Variants in SUMF1 observed in about 807,000 individuals in gnomAD.
The protein encoded by SUMF1 is sulfatase modifying factor 1.
A neutral mutation model predicts 47.6 loss-of-function variants in SUMF1; 48 were observed. That is an observed-to-expected ratio of 1.01 (90% CI 0.80 to 1.28). SUMF1 has a LOEUF of 1.28. Ranked by LOEUF, SUMF1 falls within the 50% of genes most tolerant of loss-of-function variation. The pLI, the probability that SUMF1 is intolerant of heterozygous loss-of-function variation, is 0.00. For synonymous variants in SUMF1, 230 were observed against 192.1 expected (o/e 1.20, Z -1.63); for missense variants, 571 against 485.4 (o/e 1.18, Z -1.66).
At chr3:4,432,063 G>A (rs1188310173) in intron 3 of SUMF1, among the ~76,000 whole-genome samples, 1 of 151,750 alleles carries the variant, frequency 6.6e-6, no homozygotes, top group Non-Finnish European at 1.5e-5. Context: ...CCCTTTCTAG[G>A]TTCCCAGGGA....
At chr3:4,313,572 G>C in intron 8 of SUMF1, 1 of 1,614,030 alleles carries the variant, frequency 6.2e-7, no homozygotes, top group Non-Finnish European at 8.5e-7. Flanking sequence ...ACAAAGAAAG[G>C]CTAGATCATG....
intron 8 of SUMF1, among the ~76,000 whole-genome samples, chr3:4,165,865 C>G (rs1370547358): frequency 2.0e-5 from 1 of 49,910 alleles, no homozygotes; most frequent in Non-Finnish European, 3.5e-5. Context: ...GTTTGTTTCC[C>G]CCCCCCCCCC....
chr3:4,258,148 C>G (rs1242074996), intron 8 of SUMF1, among the ~76,000 whole-genome samples: 1 of 150,002 alleles, frequency 6.7e-6, no homozygotes, highest in East Asian at 1.9e-4. Context: ...AGACCTAAAA[C>G]CATAAAAACC....
intron 8 of SUMF1, among the ~76,000 whole-genome samples, chr3:4,371,926 T>C (rs1356894615): frequency 3.3e-5 from 5 of 152,222 alleles, no homozygotes; most frequent in Admixed American, 2.0e-4. Context: ...TGTTGCCTCA[T>C]AGTTTTTCTT....
chr3:4,213,670 C>T (rs532292829), intron 8 of SUMF1, among the ~76,000 whole-genome samples: 2 of 152,126 alleles, frequency 1.3e-5, no homozygotes, highest in Non-Finnish European at 1.5e-5. Flanking sequence ...AGGCTCATCT[C>T]ATGTTCAAAG....
intron 8 of SUMF1, among the ~76,000 whole-genome samples, chr3:4,301,249 C>T (rs1290616644): frequency 2.6e-5 from 4 of 152,138 alleles, no homozygotes; most frequent in Non-Finnish European, 5.9e-5. Context: ...GACAAAGGCC[C>T]AGAGGCCCAA....
chr3:4,175,877 A>T (rs1694948985), intron 8 of SUMF1, among the ~76,000 whole-genome samples: 1 of 152,174 alleles, frequency 6.6e-6, no homozygotes, highest in Non-Finnish European at 1.5e-5. Flanking sequence ...ATGGCACGAG[A>T]ACTTCATGAC....
At chr3:4,206,112 A>C (rs1452658048) in intron 8 of SUMF1, among the ~76,000 whole-genome samples, 1 of 151,640 alleles carries the variant, frequency 6.6e-6, no homozygotes, top group Non-Finnish European at 1.5e-5. Context: ...GCTTTATTTA[A>C]TATGGCTAAG....
intron 8 of SUMF1, among the ~76,000 whole-genome samples, chr3:4,137,002 G>C (rs1449741236): frequency 6.6e-6 from 1 of 152,076 alleles, no homozygotes; most frequent in Admixed American, 6.6e-5. Flanking sequence ...GGAGAAATAG[G>C]AACACTTTTA....
chr3:4,314,777 C>T (rs1698569377), intron 8 of SUMF1, among the ~76,000 whole-genome samples: 1 of 152,134 alleles, frequency 6.6e-6, no homozygotes, highest in African/African-American at 2.4e-5. Flanking sequence ...TGCAAAAATA[C>T]AGTTACTGTG....
At chr3:4,222,155 A>T (rs1337459139) in intron 8 of SUMF1, among the ~76,000 whole-genome samples, 1 of 152,108 alleles carries the variant, frequency 6.6e-6, no homozygotes, top group Non-Finnish European at 1.5e-5. Context: ...TACTAGTAGC[A>T]GTTATCTTTG....
chr3:4,332,567 C>T (rs182382338), intron 8 of SUMF1, among the ~76,000 whole-genome samples: 1 of 152,172 alleles, frequency 6.6e-6, no homozygotes, highest in East Asian at 1.9e-4. Context: ...TAGTGTATAC[C>T]GGCAGACACC....
chr3:4,341,629 T>C (rs989690276), intron 8 of SUMF1, among the ~76,000 whole-genome samples: 1 of 152,184 alleles, frequency 6.6e-6, no homozygotes, highest in African/African-American at 2.4e-5. Flanking sequence ...TCATTTGAAA[T>C]AGTTTAAGGT....
chr3:4,246,166 A>G (rs764886467), intron 8 of SUMF1, among the ~76,000 whole-genome samples: 7 of 152,092 alleles, frequency 4.6e-5, no homozygotes, highest in Non-Finnish European at 1.0e-4. Flanking sequence ...ACAGTCACTC[A>G]TGGCTTCCCT....
chr3:4,250,486 G>C (rs951626793), intron 8 of SUMF1, among the ~76,000 whole-genome samples: 1 of 152,154 alleles, frequency 6.6e-6, no homozygotes, highest in Non-Finnish European at 1.5e-5. Context: ...ATATAGCCAA[G>C]ATAATTCATA....
At chr3:4,390,452 T>C (rs1257108570) in intron 7 of SUMF1, among the ~76,000 whole-genome samples, 5 of 152,222 alleles carry the variant, frequency 3.3e-5, no homozygotes, top group African/African-American at 1.2e-4. Context: ...GCTTTCTGTA[T>C]TGTTAGACTG....
At chr3:4,097,522 C>T (rs983141262) in intron 8 of SUMF1, among the ~76,000 whole-genome samples, 1 of 152,032 alleles carries the variant, frequency 6.6e-6, no homozygotes, top group Non-Finnish European at 1.5e-5. Flanking sequence ...CACTGCACTC[C>T]AGCCTGGGTG....
intron 8 of SUMF1, among the ~76,000 whole-genome samples, chr3:4,262,686 A>G (rs970961834): frequency 6.6e-5 from 10 of 152,134 alleles, no homozygotes; most frequent in Admixed American, 3.9e-4. Context: ...AAAAGTTCCA[A>G]CAAAAGTCAC....
At chr3:4,396,585 C>T (rs1317821260) in intron 7 of SUMF1, among the ~76,000 whole-genome samples, 1 of 152,168 alleles carries the variant, frequency 6.6e-6, no homozygotes, top group Non-Finnish European at 1.5e-5. Context: ...TCCCCACCAA[C>T]CATTTGATGT....
Sources: allele counts gnomAD v4.1 joint callset (sites outside exome capture counted in the v4.1 genomes callset), GRCh38; gene constraint gnomAD v4.1.1; transcripts MANE v1.5; gene names NCBI Gene and HGNC (gene_info 2026-07-23, HGNC 2026-07-21).